Variants in LINS1 observed in about 807,000 individuals in gnomAD.
LINS1 encodes lines homolog 1.
In LINS1, 27 loss-of-function variants were observed where a neutral mutation model predicts 41.6. That is an observed-to-expected ratio of 0.65 (90% CI 0.48 to 0.89). The LOEUF (loss-of-function observed/expected upper bound fraction) is 0.89. LINS1 is among the 40% of genes least tolerant of loss of function. The pLI is 0.00. For missense variants in LINS1, 955 were observed against 884.1 expected (o/e 1.08, Z -1.02); for synonymous variants, 336 against 312.9 (o/e 1.07, Z -0.78).
intron 3 of LINS1, 97 bp downstream of exon 3, chr15:100,580,166 A>G: frequency 1.1e-6 from 1 of 938,670 alleles, no homozygotes; most frequent in Non-Finnish European, 1.7e-6. Context: ...TTGAGATCAG[A>G]TTGGGCAACA....
chr15:100,598,426 G>T (rs1422806645), intron 1 of LINS1, among the ~76,000 whole-genome samples: 3 of 152,128 alleles, frequency 2.0e-5, no homozygotes, highest in Non-Finnish European at 4.4e-5. Flanking sequence ...TAGTATCAAA[G>T]AATTATAAAC....
chr15:100,589,246 T>C (rs565875152), intron 1 of LINS1, among the ~76,000 whole-genome samples: 1 of 152,310 alleles, frequency 6.6e-6, no homozygotes, highest in South Asian at 2.1e-4. Flanking sequence ...AATGTACATT[T>C]TTGCCTAATT....
At chr15:100,586,723 A>T (rs985256263) in intron 1 of LINS1, among the ~76,000 whole-genome samples, 1 of 152,238 alleles carries the variant, frequency 6.6e-6, no homozygotes. Flanking sequence ...ATACCATAGT[A>T]AGAAACCAGT....
Position 100,580,386 on chromosome 15 carries a change from C to A in LINS1, c.400-34G>T, listed in dbSNP as rs1344511202. On this transcript the variant is annotated intron_variant, in intron 2 of 6. Coordinates refer to ENST00000314742, the MANE Select transcript of LINS1 (RefSeq NM_001040616.3). ...AAACAAATATAATTAACCACTATTG[C>A]TGAATGTTCTTAAAATTATTTTAAA... 3 of 1,603,290 alleles carry A rather than the reference C, an allele frequency of 1.9e-6. No individual in the cohort carries two copies. The Admixed American group carries it at 5.0e-5, about 27-fold the overall frequency.
chr15:100,569,917 T>C lies in LINS1; in HGVS notation c.1595A>G (p.Gln532Arg), dbSNP rs748213314. The C allele has an allele frequency of 9.0e-5, 145 of 1,602,994 alleles. No individual in the cohort carries two copies. The highest frequency in any genetic ancestry group is 1.2e-4 in the Non-Finnish European group (144 of 1,173,534). Reference sequence around the variant, plus strand: ...GGTGAAAAAATTATCCCAGTCCTTTTGCAGTAATTTTAAATATCTAACAAA... The same window carrying C: ...GGTGAAAAAATTATCCCAGTCCTTTCGCAGTAATTTTAAATATCTAACAAA... ...EYFVRYLKLL[Q>R]KDWDNFFTIC... The change falls in exon 7 of 7, where the codon CAA becomes CGA. Residue 532 changes from glutamine (Q) to arginine (R), a missense_variant. Coordinates refer to ENST00000314742, the MANE Select transcript of LINS1 (RefSeq NM_001040616.3).
chr15:100,590,970 G>C (rs2039012377), intron 1 of LINS1, among the ~76,000 whole-genome samples: 1 of 152,120 alleles, frequency 6.6e-6, no homozygotes, highest in Non-Finnish European at 1.5e-5. Flanking sequence ...CCTGAGGACA[G>C]GAGTTTGAGA....
intron 1 of LINS1, chr15:100,586,312 C>T (rs991752845): frequency 2.6e-5 from 4 of 152,220 alleles, no homozygotes; most frequent in Admixed American, 1.3e-4. Flanking sequence ...TGATTGATGT[C>T]TCATGCCTCC....
chr15:100,581,106 G>A (rs542443807), intron 1 of LINS1, among the ~76,000 whole-genome samples, 161 bp from the exon 2 acceptor site: 3 of 152,288 alleles, frequency 2.0e-5, no homozygotes, highest in South Asian at 4.1e-4. Flanking sequence ...TTTCAAGACC[G>A]TAACAATGAA....
At chr15:100,597,152 C>G (rs2039285643) in intron 1 of LINS1, among the ~76,000 whole-genome samples, 2 of 152,320 alleles carry the variant, frequency 1.3e-5, no homozygotes, top group South Asian at 4.1e-4. Context: ...TACATTTTCA[C>G]TGTGGTCTCC....
chr15:100,599,007 G>C (rs534322739), intron 1 of LINS1, among the ~76,000 whole-genome samples: 1 of 152,308 alleles, frequency 6.6e-6, no homozygotes, highest in East Asian at 1.9e-4. Context: ...GGACTCCCTA[G>C]AGACCAGCTA....
chr15:100,587,182 A>AAAAAAAAAAAAAAAAG (rs1555434011), intron 1 of LINS1, among the ~76,000 whole-genome samples: 1 of 124,376 alleles, frequency 8.0e-6, no homozygotes. Flanking sequence ...AAAAAAAAAA[A>AAAAAAAAAAAAAAAAG]CATTAGCAGT....
At chr15:100,581,588 G>C (rs749450285) in intron 1 of LINS1, among the ~76,000 whole-genome samples, 3 of 152,190 alleles carry the variant, frequency 2.0e-5, no homozygotes, top group Non-Finnish European at 4.4e-5. Context: ...TTACTATAGA[G>C]GGAGTATGGC....
Position 100,569,536 on chromosome 15 carries a change from T to C in LINS1, c.1976A>G (p.Glu659Gly). Residue 659 changes from glutamate to glycine, a missense_variant, in exon 7 of 7, where the codon GAG becomes GGG. Glu to Gly is a moderately conservative substitution (Grantham distance 98, BLOSUM62 -2). Transcript: ENST00000314742. ...GCTTGTCCCAGCTGCATCCTGAATCTCCTTAGTTGCTTGCTGGTGTAAAGA... is the reference window on the plus strand; with the variant it reads ...GCTTGTCCCAGCTGCATCCTGAATCCCCTTAGTTGCTTGCTGGTGTAAAGA... ...QTSLHQQATK[E>G]IQDAAGTSRD... 6.2e-7 allele frequency: 1 copy of C among 1,614,204 alleles called. No homozygotes were observed. Among genetic ancestry groups the C allele is most frequent in the Non-Finnish European group, 8.5e-7 (1 of 1,180,032 alleles).
At position 100,569,653 on chromosome 15, in the gene LINS1, G is replaced by A. The variant is rs759851667; in HGVS notation, c.1859C>T (p.Pro620Leu). 19 of 1,613,288 alleles carry A rather than the reference G, an allele frequency of 1.2e-5. No homozygotes were observed. The African/African-American group carries it at 1.7e-4, about 15-fold the overall frequency. Residue 620 changes from proline to leucine, a missense_variant, in exon 7 of 7, where the codon CCC becomes CTC. Pro to Leu is a moderately conservative substitution (Grantham distance 98, BLOSUM62 -3). Transcript: ENST00000314742. ...ATCTACCAGACTTTGAGAGGCCCGG[G>A]GGGAAGACAGACTAGAAGCACACAT... is the stretch of plus-strand genomic sequence containing the variant. ...HTMCASSLSS[P>L]RASQSLVDYD...
chr15:100,581,028 A>C (rs1201706456), intron 1 of LINS1, 83 bp from the exon 2 acceptor site: 1 of 554,182 alleles, frequency 1.8e-6, no homozygotes, highest in African/African-American at 1.9e-5. Flanking sequence ...TTAATCACTA[A>C]GTCTCTCAAG....
intron 1 of LINS1, among the ~76,000 whole-genome samples, chr15:100,592,891 C>A (rs2039099645): frequency 1.3e-5 from 2 of 152,200 alleles, no homozygotes; most frequent in Admixed American, 6.5e-5. Context: ...ATTACACTGT[C>A]TTTAAAATAA....
intron 1 of LINS1, among the ~76,000 whole-genome samples, chr15:100,595,176 A>G (rs1204500402): frequency 1.3e-5 from 2 of 152,230 alleles, no homozygotes; most frequent in Non-Finnish European, 1.5e-5. Flanking sequence ...AGCATGATCC[A>G]CAAATGTAAA....
chr15:100,568,955 C>T lies in LINS1; in HGVS notation c.*283G>A, dbSNP rs2037649427. On this transcript the variant is annotated 3_prime_UTR_variant, in exon 7 of 7. Coordinates refer to ENST00000314742, the MANE Select transcript of LINS1 (RefSeq NM_001040616.3). Reference sequence around the variant, plus strand: ...CCTGGCAACATGGTGAAACCCCCGTCTCTACTAAAAATACAAAAATTAGCT... The same window carrying T: ...CCTGGCAACATGGTGAAACCCCCGTTTCTACTAAAAATACAAAAATTAGCT... 1 of 281,994 alleles carries T rather than the reference C, an allele frequency of 3.5e-6. No homozygotes were observed. 17.5% of individuals were successfully genotyped at this position (281,994 alleles called of 1,614,324 possible). A position where few individuals can be genotyped will look rare whatever the true frequency, so the allele number is the denominator to read the frequency against.
In LINS1 at chr15:100,573,840, C is replaced by G; in HGVS notation, c.1033G>C (p.Val345Leu). Residue 345 changes from valine (V) to leucine (L), a missense_variant, in exon 5 of 7, where the codon GTG becomes CTG. Coordinates refer to ENST00000314742, the MANE Select transcript of LINS1 (RefSeq NM_001040616.3). Reference protein sequence around the residue: ...LALANAVLQAVNSGLLKTLSV... With the variant: ...LALANAVLQALNSGLLKTLSV... ...AGTGTCTTCAACAACCCCGAATTCA[C>G]AGCTTGCAAAACAGCATTAGCTAAA... is the stretch of plus-strand genomic sequence containing the variant. 5 of 1,614,232 alleles carry G rather than the reference C, an allele frequency of 3.1e-6. No homozygotes were observed. The highest frequency in any genetic ancestry group is 4.2e-6 in the Non-Finnish European group (5 of 1,180,048).
Sources: allele counts gnomAD v4.1 joint callset (sites outside exome capture counted in the v4.1 genomes callset), GRCh38; gene constraint gnomAD v4.1.1; transcripts MANE v1.5; gene names NCBI Gene and HGNC (gene_info 2026-07-23, HGNC 2026-07-21).